Variants in TRAK1 observed in about 807,000 individuals in gnomAD.
TRAK1 encodes the protein trafficking kinesin protein 1.
TRAK1 carries 33 observed loss-of-function variants against 92.1 expected under a neutral mutation model. That is an observed-to-expected ratio of 0.36 (90% CI 0.27 to 0.48). The LOEUF (loss-of-function observed/expected upper bound fraction) is 0.48, where lower values mean the gene tolerates loss of function less well. Among genes scored for constraint, TRAK1 ranks in the 20% least tolerant of loss-of-function variants. The pLI is 0.99. For missense variants in TRAK1, 1,123 were observed against 1,257.9 expected (o/e 0.89, Z 1.62); for synonymous variants, 521 against 517.3 (o/e 1.01, Z -0.10).
At chr3:42,014,416 C>T (rs1701435924) in intron 1 of TRAK1, among the ~76,000 whole-genome samples, 1 of 152,298 alleles carries the variant, frequency 6.6e-6, no homozygotes, top group Admixed American at 6.5e-5. Context: ...GCGCGGGCAG[C>T]ACCCCGATTC....
At chr3:42,219,369 T>A in intron 14 of TRAK1, 125 bp from the exon 15 acceptor site, 1 of 1,573,992 alleles carries the variant, frequency 6.4e-7, no homozygotes, top group Non-Finnish European at 8.6e-7. Context: ...TTCACCTTCC[T>A]CGCCCAGATC....
intron 2 of TRAK1, among the ~76,000 whole-genome samples, chr3:42,132,387 C>G (rs549572163): frequency 1.3e-5 from 2 of 151,592 alleles, no homozygotes; most frequent in South Asian, 4.2e-4. Flanking sequence ...CCTCAGCCCC[C>G]CAGTAGTTGG....
At chr3:42,157,457 C>CAAAACAAAAAAA (rs1700674232) in intron 2 of TRAK1, among the ~76,000 whole-genome samples, 1 of 31,108 alleles carries the variant, frequency 3.2e-5, no homozygotes, top group Non-Finnish European at 5.4e-5. Flanking sequence ...GACCCTGTCT[C>CAAAACAAAAAAA]AAAAAAAAAA....
At chr3:42,149,975 A>T (rs1268447748) in intron 2 of TRAK1, among the ~76,000 whole-genome samples, 1 of 151,876 alleles carries the variant, frequency 6.6e-6, no homozygotes, top group Admixed American at 6.6e-5. Flanking sequence ...GTTGGAGGGG[A>T]TAGGAAACTG....
chr3:42,042,713 G>A (rs573290288), intron 1 of TRAK1, among the ~76,000 whole-genome samples: 31 of 152,156 alleles, frequency 2.0e-4, no homozygotes, highest in Admixed American at 1.1e-3. Context: ...CTTCTGAGTA[G>A]AAATTTCTTC....
At chr3:42,204,726 A>G (rs557774466) in intron 13 of TRAK1, among the ~76,000 whole-genome samples, 235 of 152,292 alleles carry the variant, frequency 1.5e-3, no homozygotes, top group Admixed American at 3.5e-3. Flanking sequence ...CTAGGACTAC[A>G]GGACTGCACC....
intron 1 of TRAK1, among the ~76,000 whole-genome samples, chr3:42,042,047 C>T (rs1164457677): frequency 1.3e-5 from 2 of 152,274 alleles, no homozygotes; most frequent in Admixed American, 1.3e-4. Flanking sequence ...TTGCCTCGGC[C>T]TCCCAAAGTG....
At chr3:42,197,002 T>TCA (rs773977076) in intron 10 of TRAK1, among the ~76,000 whole-genome samples, 2,375 of 103,564 alleles carry the variant, frequency 0.023, 32 homozygotes, top group East Asian at 0.037. Context: ...TCTCTCTCTC[T>TCA]CACACACACA....
At chr3:42,105,126 GTATTTT>G (rs1707348608) in intron 1 of TRAK1, among the ~76,000 whole-genome samples, 1 of 151,730 alleles carries the variant, frequency 6.6e-6, no homozygotes, top group Admixed American at 6.6e-5. Flanking sequence ...TAATTTTTTT[GTATTTT>G]TATTAGAGAC....
chr3:42,099,684 G>A (rs1023840918), intron 1 of TRAK1, among the ~76,000 whole-genome samples: 6 of 152,098 alleles, frequency 3.9e-5, no homozygotes, highest in East Asian at 1.9e-4. Context: ...CAACATGTTC[G>A]GTTTCAGCTT....
At chr3:42,105,354 G>A (rs1707384538) in intron 1 of TRAK1, among the ~76,000 whole-genome samples, 1 of 152,196 alleles carries the variant, frequency 6.6e-6, no homozygotes, top group Non-Finnish European at 1.5e-5. Flanking sequence ...ACCATGGCAC[G>A]AGAACTATGT....
intron 15 of TRAK1, chr3:42,220,511 G>A (rs563245949): frequency 1.0e-6 from 1 of 985,340 alleles, no homozygotes; most frequent in African/African-American, 1.7e-5. Context: ...CATGTGAGGA[G>A]GACGACGAAG....
At chr3:42,218,546 G>A (rs541853817) in intron 14 of TRAK1, 1 of 984,372 alleles carries the variant, frequency 1.0e-6, no homozygotes, top group African/African-American at 1.8e-5. Flanking sequence ...TTTTCCTGAT[G>A]CTTGAGTTAT....
In TRAK1 at chr3:42,218,798, G is replaced by T. The variant is rs554977697; in HGVS notation, c.1964-696G>T. On this transcript the variant is annotated intron_variant, in intron 14 of 15. Coordinates refer to ENST00000327628, the MANE Select transcript of TRAK1 (RefSeq NM_001042646.3). ...AGAGATGTCAAGAAAGCAGCTAGCA[G>T]CTAGGGGGTATGGGGACCTGTCCTG... is the stretch of plus-strand genomic sequence containing the variant. 3.2e-5 allele frequency: 32 copies of T among 985,386 alleles called. No individual in the cohort carries two copies. In the South Asian group the frequency reaches 1.4e-3, roughly 43 times the overall value. 61.0% of individuals were successfully genotyped at this position (985,386 alleles called of 1,614,324 possible). A position where few individuals can be genotyped will look rare whatever the true frequency, so the allele number is the denominator to read the frequency against.
rs911496890 is a variant in TRAK1 at position 42,105,268 on chromosome 3, T to TA, written c.91+13715dup. ...CACGCCCAGCAGAAGCTAAAAGTCT[T>TA]AAAAAAAGATTAGACAAATGGCTAA... On this transcript the variant is annotated intron_variant, in intron 1 of 15. Coordinates refer to ENST00000327628, the MANE Select transcript of TRAK1 (RefSeq NM_001042646.3). 1.4e-4 allele frequency among the ~76,000 whole-genome samples: 21 copies of TA among 152,092 alleles called. No homozygotes were observed. The East Asian group carries it at 4.0e-3, about 29-fold the overall frequency.
chr3:42,216,643 C>T (rs1709724366), intron 14 of TRAK1, among the ~76,000 whole-genome samples: 1 of 152,140 alleles, frequency 6.6e-6, no homozygotes. Flanking sequence ...GAATAATAAT[C>T]AAGGATTAAT....
At chr3:42,112,735 CA>C (rs774716012) in intron 1 of TRAK1, among the ~76,000 whole-genome samples, 1,806 of 54,718 alleles carry the variant, frequency 0.033, 19 homozygotes, top group Middle Eastern at 0.098. Flanking sequence ...GACTCTGTCT[CA>C]AAAAAAAAAA....
intron 6 of TRAK1, among the ~76,000 whole-genome samples, chr3:42,189,565 C>T (rs1368878017): frequency 1.3e-5 from 2 of 152,070 alleles, no homozygotes; most frequent in African/African-American, 4.8e-5. Context: ...TGGAGTCTCG[C>T]TATGTCACCC....
At chr3:42,199,714 T>C (rs1707253530) in intron 11 of TRAK1, among the ~76,000 whole-genome samples, 2 of 152,230 alleles carry the variant, frequency 1.3e-5, no homozygotes, top group African/African-American at 4.8e-5. Flanking sequence ...TGCCTTGGCC[T>C]TCCCAAAGTG....
Sources: gnomAD v4.1 joint callset for allele counts (sites outside exome capture counted in the v4.1 genomes callset) on GRCh38, gnomAD v4.1.1 for gene constraint, MANE v1.5 for transcripts, NCBI Gene and HGNC (gene_info 2026-07-23, HGNC 2026-07-21) for gene names.